Variants in NCOA1 observed in about 807,000 individuals in gnomAD.
The protein encoded by NCOA1 is Hin-2 protein.
In NCOA1, 35 loss-of-function variants were observed where a neutral mutation model predicts 150.9. The observed-to-expected ratio is 0.23, with a 90% CI of 0.18 to 0.31. The LOEUF (loss-of-function observed/expected upper bound fraction) is 0.31, where lower values mean the gene tolerates loss of function less well. NCOA1 is among the 10% of genes least tolerant of loss of function. NCOA1 has a pLI of 1.00. For missense variants in NCOA1, 1,491 were observed against 1,749.3 expected (o/e 0.85, Z 2.63); for synonymous variants, 590 against 630.0 (o/e 0.94, Z 0.95).
At chr2:24,585,760 C>T (rs975017984) in intron 3 of NCOA1, among the ~76,000 whole-genome samples, 8 of 152,002 alleles carry the variant, frequency 5.3e-5, no homozygotes, top group Non-Finnish European at 7.4e-5. Flanking sequence ...TTCATATACA[C>T]GTATATTTCT....
rs1219744171 is a variant in NCOA1, at chr2:24,768,202, T to C, written c.4156-19T>C. 6.2e-7 allele frequency: 1 copy of C among 1,611,800 alleles called. No individual in the cohort carries two copies. Among genetic ancestry groups the C allele is most frequent in the South Asian group, 1.1e-5 (1 of 91,040 alleles). ...GGGCAGACCCTTCTGTCTAAACACA[T>C]CTTTTATTTGTGTTCCAGCAGGTGC... is the stretch of plus-strand genomic sequence containing the variant. On this transcript the variant is annotated intron_variant, in intron 22 of 22. Transcript: ENST00000348332.
At chr2:24,627,193 A>C (rs1250436326) in intron 3 of NCOA1, among the ~76,000 whole-genome samples, 7 of 133,482 alleles carry the variant, frequency 5.2e-5, no homozygotes, top group Non-Finnish European at 1.1e-4. Context: ...TACCCCCACT[A>C]CTGTGCATGT....
chr2:24,557,268 C>A (rs1666108824), intron 1 of NCOA1, among the ~76,000 whole-genome samples: 1 of 151,838 alleles, frequency 6.6e-6, no homozygotes, highest in African/African-American at 2.4e-5. Flanking sequence ...AATATTATGC[C>A]ACTTTATATG....
chr2:24,719,528 GT>G (rs1674251766), intron 14 of NCOA1, among the ~76,000 whole-genome samples: 1 of 152,192 alleles, frequency 6.6e-6, no homozygotes, highest in South Asian at 2.1e-4. Context: ...ATTTCTTGTA[GT>G]TGTAAAGATA....
intron 14 of NCOA1, among the ~76,000 whole-genome samples, chr2:24,717,538 G>C (rs1257665428): frequency 6.6e-6 from 1 of 151,910 alleles, no homozygotes; most frequent in Non-Finnish European, 1.5e-5. Context: ...GATTTTATGT[G>C]ATAAGTATCA....
chr2:24,624,174 GA>G (rs958095580), intron 3 of NCOA1, among the ~76,000 whole-genome samples: 2 of 151,394 alleles, frequency 1.3e-5, no homozygotes, highest in African/African-American at 4.8e-5. Flanking sequence ...TTGCAGTAAA[GA>G]AAAAAAATGG....
At chr2:24,544,775 T>C (rs1422649392) in intron 1 of NCOA1, among the ~76,000 whole-genome samples, 1 of 151,852 alleles carries the variant, frequency 6.6e-6, no homozygotes, top group Non-Finnish European at 1.5e-5. Flanking sequence ...AATAAGACTT[T>C]CAAAAGAAAA....
intron 3 of NCOA1, among the ~76,000 whole-genome samples, chr2:24,610,124 CTTTTTTT>C (rs775178797): frequency 2.2e-5 from 2 of 90,212 alleles, no homozygotes; most frequent in Non-Finnish European, 4.4e-5. Flanking sequence ...AGGCTGCATT[CTTTTTTT>C]TTTTTTTTTT....
chr2:24,759,344 A>G (rs942374919), intron 21 of NCOA1, among the ~76,000 whole-genome samples: 3 of 152,254 alleles, frequency 2.0e-5, no homozygotes, highest in Admixed American at 1.3e-4. Context: ...GAAAAAGAAC[A>G]TTCAAGATTG....
intron 1 of NCOA1, among the ~76,000 whole-genome samples, chr2:24,538,542 G>A (rs1665259945): frequency 6.6e-6 from 1 of 152,186 alleles, no homozygotes; most frequent in African/African-American, 2.4e-5. Flanking sequence ...TCTGTAACTT[G>A]AGAGCTTGGA....
intron 22 of NCOA1, among the ~76,000 whole-genome samples, chr2:24,766,888 G>A (rs1465304885): frequency 6.6e-6 from 1 of 152,154 alleles, no homozygotes; most frequent in Non-Finnish European, 1.5e-5. Context: ...CCCAGAGGAG[G>A]CAGTAACAAA....
intron 2 of NCOA1, among the ~76,000 whole-genome samples, chr2:24,577,451 G>C (rs1195151438): frequency 1.3e-5 from 2 of 152,130 alleles, no homozygotes; most frequent in Non-Finnish European, 1.5e-5. Flanking sequence ...GGAATCATAA[G>C]ATTGAGTGTA....
chr2:24,664,793 C>T (rs527422091), intron 5 of NCOA1, among the ~76,000 whole-genome samples: 5 of 152,190 alleles, frequency 3.3e-5, no homozygotes, highest in African/African-American at 9.6e-5. Flanking sequence ...TTCCCCTCTT[C>T]TGTCCTCTTT....
rs749418382 is a variant in NCOA1 at position 24,706,672 on chromosome 2, C to T, written c.1202C>T (p.Ala401Val). 3 of 1,614,188 alleles carry T rather than the reference C, an allele frequency of 1.9e-6. No homozygotes were observed. The highest frequency in any genetic ancestry group is 1.7e-6 in the Non-Finnish European group (2 of 1,180,028). The stretch of plus-strand genomic sequence containing the variant: ...AGTATCTCTCCAGCTCATGGTGTGG[C>T]TCGTTCATCCACATTGCCACCATCC... ...NPSISPAHGV[A>V]RSSTLPPSNS... is the part of the protein sequence containing the mutation. Residue 401 changes from alanine (A) to valine (V), a missense_variant, in exon 13 of 23, where the codon GCT becomes GTT. Physicochemically the swap from Ala to Val is moderately conservative, Grantham distance 64. Around this residue, in one of 8 missense-constraint regions of NCOA1, gnomAD observed 703 missense variants for 717.7 expected, o/e 0.98. Coordinates refer to ENST00000348332, the MANE Select transcript of NCOA1 (RefSeq NM_003743.5).
chr2:24,753,899 C>T (rs899343675), intron 20 of NCOA1, among the ~76,000 whole-genome samples: 4 of 152,234 alleles, frequency 2.6e-5, no homozygotes, highest in Non-Finnish European at 5.9e-5. Flanking sequence ...TAACCAATAT[C>T]TCCACTTATA....
intron 2 of NCOA1, among the ~76,000 whole-genome samples, chr2:24,577,938 C>T (rs759102186): frequency 2.0e-5 from 3 of 152,146 alleles, no homozygotes; most frequent in Admixed American, 2.0e-4. Flanking sequence ...TCAACCTTAT[C>T]TGAGTTTACC....
intron 3 of NCOA1, among the ~76,000 whole-genome samples, chr2:24,586,200 C>G (rs930080244): frequency 6.8e-6 from 1 of 146,976 alleles, no homozygotes; most frequent in Non-Finnish European, 1.5e-5. Flanking sequence ...GGTGTGAACC[C>G]AGGAGGCGGA....
chr2:24,495,736 CCAGA>C (rs1313956447), intron 1 of NCOA1, among the ~76,000 whole-genome samples: 11 of 152,180 alleles, frequency 7.2e-5, no homozygotes, highest in South Asian at 2.1e-4. Context: ...GAAACTCTGA[CCAGA>C]CAGACAGAGG....
intron 19 of NCOA1, among the ~76,000 whole-genome samples, chr2:24,748,169 TAC>T (rs1664033938): frequency 6.6e-6 from 1 of 152,122 alleles, no homozygotes; most frequent in Admixed American, 6.6e-5. Context: ...TTACTTACCT[TAC>T]ATATAGAGGA....
Sources: gnomAD v4.1 joint callset for allele counts (sites outside exome capture counted in the v4.1 genomes callset) on GRCh38, gnomAD v4.1.1 for gene constraint, gnomAD v4.1.1 regional missense constraint, MANE v1.5 for transcripts, NCBI Gene and HGNC (gene_info 2026-07-23, HGNC 2026-07-21) for gene names.